The following EPPK1 variants were observed in gnomAD, a reference collection of about 807,000 sequenced individuals.
The protein encoded by EPPK1 is epiplakin.
For synonymous variants in EPPK1, 1,862 were observed against 1,721.2 expected (o/e 1.08, Z -2.03); for missense variants, 3,823 against 3,673.3 (o/e 1.04, Z -1.05).
rs1291229287 is a variant in EPPK1, at chr8:143,873,106, C to G, written c.148G>C (p.Ala50Pro). Residue 50 changes from alanine to proline, a missense_variant, in exon 2 of 2, where the codon GCC becomes CCC. Ala to Pro is a conservative substitution (Grantham distance 27, BLOSUM62 -1). Coordinates refer to ENST00000615648, the MANE Select transcript of EPPK1 (RefSeq NM_031308.4). ...ARSIAGVYVE[A>P]SGQAQSVYAA... ...TAGACACTCTGGGCCTGGCCCGAGG[C>G]CTCCACATACACCCCAGCTATGCTC... 1 of 1,560,824 alleles carries G rather than the reference C, an allele frequency of 6.4e-7. No homozygotes were observed. The highest frequency in any genetic ancestry group is 1.4e-5 in the African/African-American group (1 of 73,602).
chr8:143,866,260 G>A lies in EPPK1; in HGVS notation c.6994C>T (p.Arg2332Trp), dbSNP rs1186153904. 6.2e-6 allele frequency: 3 copies of A among 482,482 alleles called. No homozygotes were observed. Among genetic ancestry groups the A allele is most frequent in the Non-Finnish European group, 6.9e-6 (2 of 291,118 alleles). The allele number at this position is 482,482 out of a possible 1,614,324, so 29.9% of individuals were successfully genotyped here. Residue 2332 changes from arginine to tryptophan, a missense_variant, in exon 2 of 2, where the codon CGG (arginine) becomes TGG (tryptophan). Transcript: ENST00000615648. ...FQAMQKDLIV[R>W]EHGIRLLEAQ... ...TCCAGCAGGCGGATGCCGTGCTCCC[G>A]GACGATGAGGTCCTTCTGCATGGCC...
chr8:143,870,472 CG>C lies in EPPK1; in HGVS notation c.2781del (p.Cys927TrpfsTer24). The C allele has an allele frequency of 6.2e-7, 1 of 1,603,764 alleles. No homozygotes were observed. Among genetic ancestry groups the C allele is most frequent in the Non-Finnish European group, 8.5e-7 (1 of 1,177,134 alleles). ...CGCACACCGCCCACAGCTCCCAGGC[CG>C]CACAGGTACCTGCGGACGCCGTCCA... ...LLMDGVRRYL[C>X]GLGAVGGVRL... On this transcript the variant is annotated frameshift_variant, in exon 2 of 2. Coordinates refer to ENST00000615648, the MANE Select transcript of EPPK1 (RefSeq NM_031308.4). LOFTEE classifies it low-confidence loss of function (END_TRUNC). This position sits in a 1 kb window ranked among gnomAD's most constrained non-coding sequence, Gnocchi z 5.2.
At position 143,866,627 on chromosome 8, in the gene EPPK1, C is replaced by T; in HGVS notation, c.6627G>A (p.Glu2209=). ...DLETGRSTTQ[E]LMEDDRVKRY... The stretch of plus-strand genomic sequence containing the variant: ...GCTTGACGCGGTCGTCCTCCATGAG[C>T]TCTTGCGTCGTGCTCCGTCCCGTTT... Residue 2209 remains glutamate, a synonymous_variant, in exon 2 of 2, where the codon GAG becomes GAA. Transcript: ENST00000615648. 6.2e-7 allele frequency: 1 copy of T among 1,613,000 alleles called. No homozygotes were observed. The highest frequency in any genetic ancestry group is 1.7e-5 in the Admixed American group (1 of 60,036).
In EPPK1 at chr8:143,872,337, G is replaced by A. The variant is rs1554661529; in HGVS notation, c.917C>T (p.Thr306Ile). The A allele has an allele frequency of 2.5e-6, 4 of 1,604,590 alleles. No homozygotes were observed. The South Asian group carries it at 3.3e-5, about 13-fold the overall frequency. Residue 306 changes from threonine (T) to isoleucine (I), a missense_variant, in exon 2 of 2, where the codon ACC becomes ATC. By Grantham distance (89) the Thr-to-Ile change is moderately conservative (BLOSUM62 -1). Transcript: ENST00000615648. Reference protein sequence around the residue: ...GHKKSFFQAATEHLLPMGTAL... With the variant: ...GHKKSFFQAAIEHLLPMGTAL... ...GGTGCCCATTGGGAGCAGGTGCTCG[G>A]TGGCAGCCTGGAAAAAGCTCTTCTT...
intron 1 of EPPK1, among the ~76,000 whole-genome samples, chr8:143,877,330 G>C (rs544444959): frequency 6.6e-6 from 1 of 152,196 alleles, no homozygotes; most frequent in Admixed American, 6.5e-5. Context: ...CCGGAGCGAG[G>C]GGGGGCAGGG....
chr8:143,876,795 G>A (rs1554662350), intron 1 of EPPK1, among the ~76,000 whole-genome samples: 2 of 152,128 alleles, frequency 1.3e-5, no homozygotes, highest in Admixed American at 1.3e-4. Context: ...CTGACATCCG[G>A]CCAGGGATGG....
rs782393717 is a variant in EPPK1, at chr8:143,867,376, C to A, written c.5878G>T (p.Val1960Leu). The A allele has an allele frequency of 1.2e-6, 2 of 1,612,930 alleles. No individual in the cohort carries two copies. The highest frequency in any genetic ancestry group is 1.7e-6 in the Non-Finnish European group (2 of 1,179,878). The change falls in exon 2 of 2, where the codon GTG becomes TTG. Residue 1960 changes from valine (V) to leucine (L), a missense_variant. Physicochemically the swap from Val to Leu is conservative, Grantham distance 32. Transcript: ENST00000615648. Reference protein sequence around the residue: ...SVDEAVDVGLVNEELRERLLK... With the variant: ...SVDEAVDVGLLNEELRERLLK... Reference sequence around the variant, plus strand: ...AGCCTCTCCCGCAGCTCCTCGTTCACCAGGCCCACATCCACAGCCTCATCC... The same window carrying A: ...AGCCTCTCCCGCAGCTCCTCGTTCAACAGGCCCACATCCACAGCCTCATCC...
rs1554657719 is a variant in EPPK1 at position 143,857,546 on chromosome 8, G to C, written c.*441C>G. ...GCCAGGGCACTAAATAGTAGACACT[G>C]GCTGATGGAAAATGAGTTTGAAGAT... On this transcript the variant is annotated 3_prime_UTR_variant, in exon 2 of 2. Coordinates refer to ENST00000615648, the MANE Select transcript of EPPK1 (RefSeq NM_031308.4). 1 of 163,358 alleles carries C rather than the reference G, an allele frequency of 6.1e-6. No homozygotes were observed. The highest frequency in any genetic ancestry group is 2.4e-5 in the African/African-American group (1 of 41,718). 10.1% of individuals were successfully genotyped at this position (163,358 alleles called of 1,614,324 possible).
Position 143,869,677 on chromosome 8 carries a change from G to C in EPPK1, c.3577C>G (p.Arg1193Gly). Residue 1193 changes from arginine (R) to glycine (G), a missense_variant, in exon 2 of 2, where the codon CGC (arginine) becomes GGC (glycine). By Grantham distance (125) the Arg-to-Gly change is moderately radical. Coordinates refer to ENST00000615648, the MANE Select transcript of EPPK1 (RefSeq NM_031308.4). The part of the protein sequence containing the change: ...VQETKLLAQA[R>G]VMVPGPRGEV... ...CCCCGTGGGCCGGGCACCATGACGC[G>C]GGCCTGGGCCAGGAGCTTGGTCTCC... The C allele has an allele frequency of 6.3e-7, 1 of 1,595,980 alleles. No homozygotes were observed. Among genetic ancestry groups the C allele is most frequent in the Non-Finnish European group, 8.5e-7 (1 of 1,172,364 alleles).
At position 143,872,429 on chromosome 8, in the gene EPPK1, G is replaced by C. The variant is rs370817247; in HGVS notation, c.825C>G (p.Ala275=). The change falls in exon 2 of 2, where the codon GCC becomes GCG. Residue 275 remains alanine (A), a synonymous_variant. Transcript: ENST00000615648. ...TACCCTCCAGGTAGCGCCGCACCTC[G>C]GCACGTGCACTCACGTCCACTGCGG... is the stretch of plus-strand genomic sequence containing the variant. ...RLAAVDVSAR[A]EVRRYLEGTG... 6.2e-7 allele frequency: 1 copy of C among 1,600,774 alleles called. No individual in the cohort carries two copies. The highest frequency in any genetic ancestry group is 1.7e-5 in the Admixed American group (1 of 59,866).
At position 143,871,265 on chromosome 8, in the gene EPPK1, G is replaced by A. The variant is rs782671933; in HGVS notation, c.1989C>T (p.Ser663=). ...CAGCAGCCCTCAGTGCCTCCTCAACGGAGTGCCCCTTGTTTGCTTTTGGGT... is the reference window on the plus strand; with the variant it reads ...CAGCAGCCCTCAGTGCCTCCTCAACAGAGTGCCCCTTGTTTGCTTTTGGGT... The part of the protein sequence containing the change: ...IIDPKANKGH[S]VEEALRAAVI... Residue 663 remains serine (S), a synonymous_variant, in exon 2 of 2, where the codon TCC becomes TCT. Transcript: ENST00000615648. The A allele has an allele frequency of 3.0e-5, 49 of 1,612,888 alleles. No individual in the cohort carries two copies. The highest frequency in any genetic ancestry group is 2.6e-4 in the South Asian group (24 of 91,082).
In EPPK1 at chr8:143,868,186, T is replaced by C. The variant is rs113992087; in HGVS notation, c.5068A>G (p.Ile1690Val). The stretch of plus-strand genomic sequence containing the variant: ...CGGTGGCTGTGCACGGGGTCGATGA[T>C]GCCGCCCGTGGCGATCTGGGCCTCC... ...LLEAQIATGG[I>V]IDPVHSHRVP... is the part of the protein sequence containing the mutation. The change falls in exon 2 of 2, where the codon ATC becomes GTC. Residue 1690 changes from isoleucine to valine, a missense_variant. Transcript: ENST00000615648. 438 of 1,612,714 alleles carry C rather than the reference T, an allele frequency of 2.7e-4. 1 individual carries two copies. Among genetic ancestry groups the C allele is most frequent in the African/African-American group, 4.3e-4 (32 of 75,060 alleles).
rs368771113 is a variant in EPPK1, at chr8:143,868,162, G to A, written c.5092C>T (p.Arg1698Cys). ...CGGTAGGCCACGTCCACGGGCACGC[G>A]GTGGCTGTGCACGGGGTCGATGATG... ...GGIIDPVHSH[R>C]VPVDVAYRCG... Residue 1698 changes from arginine to cysteine, a missense_variant, in exon 2 of 2, where the codon CGC becomes TGC. Coordinates refer to ENST00000615648, the MANE Select transcript of EPPK1 (RefSeq NM_031308.4). 7.9e-5 allele frequency: 127 copies of A among 1,613,124 alleles called. No homozygotes were observed. Among genetic ancestry groups the A allele is most frequent in the Middle Eastern group, 5.0e-4 (3 of 6,058 alleles).
rs1361032142 is a variant in EPPK1 at position 143,872,703 on chromosome 8, G to A, written c.551C>T (p.Thr184Ile). 4.4e-6 allele frequency: 7 copies of A among 1,600,388 alleles called. No individual in the cohort carries two copies. The highest frequency in any genetic ancestry group is 6.0e-6 in the Non-Finnish European group (7 of 1,173,014). Residue 184 changes from threonine (T) to isoleucine (I), a missense_variant, in exon 2 of 2, where the codon ACA becomes ATA. Thr to Ile is a moderately conservative substitution (Grantham distance 89). Coordinates refer to ENST00000615648, the MANE Select transcript of EPPK1 (RefSeq NM_031308.4). ...ACHQGLLDRE[T>I]WHKLSELEPG... Reference sequence around the variant, plus strand: ...CTCAAGCTCTGACAGCTTGTGCCATGTCTCCCGGTCCAGGAGGCCCTGGTG... The same window carrying A: ...CTCAAGCTCTGACAGCTTGTGCCATATCTCCCGGTCCAGGAGGCCCTGGTG...
At position 143,867,543 on chromosome 8, in the gene EPPK1, A is replaced by C. The variant is rs782609773; in HGVS notation, c.5711T>G (p.Val1904Gly). 14 of 1,612,612 alleles carry C rather than the reference A, an allele frequency of 8.7e-6. No individual in the cohort carries two copies. In the African/African-American group the frequency reaches 1.2e-4, roughly 14 times the overall value. The part of the protein sequence containing the change: ...EGSGCIAGVT[V>G]PSTREVMSLH... Reference sequence around the variant, plus strand: ...GCTCATGACCTCCCTGGTGGAGGGCACCGTGACCCCCGCAATGCAGCCGCT... The same window carrying C: ...GCTCATGACCTCCCTGGTGGAGGGCCCCGTGACCCCCGCAATGCAGCCGCT... Residue 1904 changes from valine (V) to glycine (G), a missense_variant, in exon 2 of 2, where the codon GTG becomes GGG. Transcript: ENST00000615648.
rs781855482 is a variant in EPPK1 at position 143,871,571 on chromosome 8, A to C, written c.1683T>G (p.Ser561=). The change falls in exon 2 of 2, where the codon TCT becomes TCG. Residue 561 remains serine (S), a synonymous_variant. Transcript: ENST00000615648. ...CTGGTGTCACGGTGTCCCTCAGCCC[A>C]GAAAAGGTGACCCTGGCAGTGGCTG... The part of the protein sequence containing the change: ...QAAATARVTF[S]GLRDTVTPGE... 5.6e-6 allele frequency: 9 copies of C among 1,606,422 alleles called. No individual in the cohort carries two copies. In the Admixed American group the frequency reaches 1.2e-4, roughly 21 times the overall value.
At chr8:143,873,725 C>G (rs534442874) in intron 1 of EPPK1, among the ~76,000 whole-genome samples, 1 of 152,192 alleles carries the variant, frequency 6.6e-6, no homozygotes, top group South Asian at 2.1e-4. Flanking sequence ...GGGCCCGCCC[C>G]TCAGCCTGGG....
Position 143,871,054 on chromosome 8 carries a change from G to A in EPPK1, c.2200C>T (p.His734Tyr), listed in dbSNP as rs1563886085. 1 of 1,613,010 alleles carries A rather than the reference G, an allele frequency of 6.2e-7. No individual in the cohort carries two copies. The highest frequency in any genetic ancestry group is 2.2e-5 in the East Asian group (1 of 44,880). The change falls in exon 2 of 2, where the codon CAC becomes TAC. Residue 734 changes from histidine (H) to tyrosine (Y), a missense_variant. His to Tyr is a moderately conservative substitution (Grantham distance 83, BLOSUM62 2). Coordinates refer to ENST00000615648, the MANE Select transcript of EPPK1 (RefSeq NM_031308.4). ...IATGGVIDPV[H>Y]SHRVPVDVAY... ...ACGTCCACGGGCACGCGGTGGCTGT[G>A]CACGGGGTCGATGACGCCGCCCGTG... is the stretch of plus-strand genomic sequence containing the variant.
rs781983728 is a variant in EPPK1, at chr8:143,872,736, G to A, written c.518C>T (p.Pro173Leu). The stretch of plus-strand genomic sequence containing the variant: ...GTCCAGGAGGCCCTGGTGGCAGGCT[G>A]GCTCAGGGGCCACGAGCACTCCCTG... Reference protein sequence around the residue: ...PAQGVLVAPEPACHQGLLDRE... With the variant: ...PAQGVLVAPELACHQGLLDRE... Residue 173 changes from proline to leucine, a missense_variant, in exon 2 of 2, where the codon CCA becomes CTA. Physicochemically the swap from Pro to Leu is moderately conservative, Grantham distance 98. Coordinates refer to ENST00000615648, the MANE Select transcript of EPPK1 (RefSeq NM_031308.4). 1 of 1,594,444 alleles carries A rather than the reference G, an allele frequency of 6.3e-7. No homozygotes were observed. The highest frequency in any genetic ancestry group is 1.1e-5 in the South Asian group (1 of 89,084).
Sources: allele counts gnomAD v4.1 joint callset (sites outside exome capture counted in the v4.1 genomes callset), GRCh38; gene constraint gnomAD v4.1.1; non-coding constraint Gnocchi (gnomAD v3.1); transcripts MANE v1.5; gene names NCBI Gene and HGNC (gene_info 2026-07-23, HGNC 2026-07-21).